SENP7: variants seen among roughly 807,000 people sequenced by gnomAD.
The protein encoded by SENP7 is SUMO specific peptidase 7.
A neutral mutation model predicts 141.2 loss-of-function variants in SENP7; 64 were observed. That is an observed-to-expected ratio of 0.45 (90% CI 0.37 to 0.56). The LOEUF is 0.56. SENP7 is among the 20% of genes least tolerant of loss of function. The pLI, the probability that SENP7 is intolerant of heterozygous loss-of-function variation, is 0.00. For missense variants in SENP7, 1,025 were observed against 1,212.2 expected (o/e 0.85, Z 2.29); for synonymous variants, 382 against 426.4 (o/e 0.90, Z 1.28).
chr3:101,441,197 C>T (rs1025823170), intron 4 of SENP7, among the ~76,000 whole-genome samples: 13 of 152,178 alleles, frequency 8.5e-5, no homozygotes, highest in Non-Finnish European at 1.6e-4. Flanking sequence ...AGCCCATGCC[C>T]ATGCTGTCCA....
intron 2 of SENP7, among the ~76,000 whole-genome samples, chr3:101,498,987 T>C (rs1459083862): frequency 6.6e-6 from 1 of 152,190 alleles, no homozygotes; most frequent in Non-Finnish European, 1.5e-5. Flanking sequence ...GCCAAACAGG[T>C]TGGGGACCAC....
intron 3 of SENP7, among the ~76,000 whole-genome samples, chr3:101,481,051 A>C (rs1484520040): frequency 6.6e-6 from 1 of 151,622 alleles, no homozygotes; most frequent in Non-Finnish European, 1.5e-5. Context: ...TATAGCTATT[A>C]TGAAAAACAG....
chr3:101,506,623 CA>C (rs1383040897), intron 1 of SENP7, among the ~76,000 whole-genome samples: 1 of 152,110 alleles, frequency 6.6e-6, no homozygotes, highest in East Asian at 1.9e-4. Context: ...AGACATTAGA[CA>C]ACTCAGCAAG....
intron 3 of SENP7, among the ~76,000 whole-genome samples, chr3:101,472,615 C>T (rs1473715454): frequency 6.6e-6 from 1 of 151,974 alleles, no homozygotes; most frequent in Admixed American, 6.6e-5. Flanking sequence ...CAAACCTGCA[C>T]ATTATGCACA....
chr3:101,464,503 A>G (rs9828605), intron 3 of SENP7, among the ~76,000 whole-genome samples: 60,362 of 151,774 alleles, frequency 0.4, 12,510 homozygotes, highest in Admixed American at 0.54. Flanking sequence ...AAACCCTATT[A>G]TGAACTGTGC....
intron 1 of SENP7, among the ~76,000 whole-genome samples, chr3:101,510,929 A>G (rs2108221526): frequency 6.6e-6 from 1 of 151,484 alleles, no homozygotes; most frequent in East Asian, 1.9e-4. Flanking sequence ...GCCTACAACC[A>G]CTACACGGAA....
intron 4 of SENP7, among the ~76,000 whole-genome samples, chr3:101,447,975 A>T (rs2062959621): frequency 6.6e-6 from 1 of 152,228 alleles, no homozygotes; most frequent in Non-Finnish European, 1.5e-5. Context: ...AGACAATACA[A>T]TGGAAAATAA....
intron 6 of SENP7, among the ~76,000 whole-genome samples, chr3:101,381,771 C>A (rs1390717916): frequency 6.6e-6 from 1 of 152,094 alleles, no homozygotes; most frequent in Admixed American, 6.5e-5. Flanking sequence ...CTATTTGTAT[C>A]AGTGTTTTTC....
chr3:101,447,163 T>C (rs538552693), intron 4 of SENP7, among the ~76,000 whole-genome samples: 4 of 152,088 alleles, frequency 2.6e-5, no homozygotes, highest in Non-Finnish European at 5.9e-5. Flanking sequence ...AAGAGAACAA[T>C]TCCAGGCCCA....
At chr3:101,355,264 C>T (rs552181031) in intron 11 of SENP7, among the ~76,000 whole-genome samples, 1 of 152,006 alleles carries the variant, frequency 6.6e-6, no homozygotes, top group African/African-American at 2.4e-5. Context: ...ATTTTGACAT[C>T]CTCGTCATGA....
chr3:101,482,866 C>G (rs1262342201), intron 3 of SENP7, among the ~76,000 whole-genome samples: 1 of 152,000 alleles, frequency 6.6e-6, no homozygotes, highest in Non-Finnish European at 1.5e-5. Context: ...AAAAAAGTTC[C>G]TTTCAATCCA....
chr3:101,380,394 TAG>T (rs950712074), intron 6 of SENP7, among the ~76,000 whole-genome samples: 3 of 145,864 alleles, frequency 2.1e-5, no homozygotes, highest in Non-Finnish European at 4.5e-5. Flanking sequence ...TATTTAAAAA[TAG>T]AAAGAGTCTA....
intron 12 of SENP7, among the ~76,000 whole-genome samples, chr3:101,348,306 G>A (rs997232610): frequency 5.3e-5 from 8 of 152,196 alleles, no homozygotes; most frequent in African/African-American, 1.9e-4. Flanking sequence ...AATAGAGATT[G>A]AATCTCTCAC....
At chr3:101,497,351 T>C (rs565582955) in intron 2 of SENP7, among the ~76,000 whole-genome samples, 1 of 152,288 alleles carries the variant, frequency 6.6e-6, no homozygotes, top group African/African-American at 2.4e-5. Flanking sequence ...GACATCCCAG[T>C]TGCAAGTATA....
At chr3:101,460,458 T>G (rs895943979) in intron 3 of SENP7, among the ~76,000 whole-genome samples, 3 of 152,158 alleles carry the variant, frequency 2.0e-5, no homozygotes, top group Admixed American at 6.5e-5. Context: ...AAATAAACTT[T>G]CAACAAATAG....
At chr3:101,465,230 C>A (rs1199722133) in intron 3 of SENP7, among the ~76,000 whole-genome samples, 1 of 152,128 alleles carries the variant, frequency 6.6e-6, no homozygotes, top group African/African-American at 2.4e-5. Context: ...GATCAATCCA[C>A]CCCCCTCACC....
At chr3:101,464,057 T>A (rs6441609) in intron 3 of SENP7, among the ~76,000 whole-genome samples, 1 of 151,652 alleles carries the variant, frequency 6.6e-6, no homozygotes. Context: ...AACTCATGAC[T>A]TCAGGTGATC....
intron 4 of SENP7, among the ~76,000 whole-genome samples, chr3:101,428,912 T>A (rs542900860): frequency 6.6e-6 from 1 of 152,350 alleles, no homozygotes; most frequent in African/African-American, 2.4e-5. Flanking sequence ...TGCATATGGC[T>A]AGCCAGTTTA....
intron 3 of SENP7, among the ~76,000 whole-genome samples, chr3:101,467,878 G>A (rs1384832743): frequency 1.3e-5 from 2 of 152,184 alleles, no homozygotes; most frequent in African/African-American, 2.4e-5. Flanking sequence ...ACAGAAATAG[G>A]CTTCAGAAGA....
Sources: gnomAD v4.1 joint callset for allele counts (sites outside exome capture counted in the v4.1 genomes callset) on GRCh38, gnomAD v4.1.1 for gene constraint, MANE v1.5 for transcripts, NCBI Gene and HGNC (gene_info 2026-07-23, HGNC 2026-07-21) for gene names.